The following ASH1L variants were observed in gnomAD, a reference collection of about 807,000 sequenced individuals.
The protein encoded by ASH1L is histone-lysine N-methyltransferase ASH1L.
In ASH1L, 23 loss-of-function variants were observed where a neutral mutation model predicts 269.0. The ratio of observed to expected loss-of-function variants is 0.09; its 90% CI spans 0.06 to 0.12. The LOEUF is 0.12. Ranked by LOEUF, ASH1L falls within the 10% of genes least tolerant of loss-of-function variation. The pLI is 1.00. For missense variants in ASH1L, 2,912 were observed against 3,567.8 expected (o/e 0.82, Z 4.68); for synonymous variants, 1,187 against 1,253.5 (o/e 0.95, Z 1.12).
chr1:155,343,448 G>C lies in ASH1L; in HGVS notation c.8159C>G (p.Pro2720Arg). 6.2e-7 allele frequency: 1 copy of C among 1,614,132 alleles called. No homozygotes were observed. Among genetic ancestry groups the C allele is most frequent in the Non-Finnish European group, 8.5e-7 (1 of 1,180,022 alleles). ...RFAFGHHYFRPHETHHSPSRR... is the reference protein window; with the variant it reads ...RFAFGHHYFRRHETHHSPSRR... ...GGATGGAGAGTGGTGTGTTTCGTGG[G>C]GACGGAAATAATGGTGACCAAAGGC... Residue 2720 changes from proline (P) to arginine (R), a missense_variant, in exon 24 of 28, where the codon CCC (proline) becomes CGC (arginine). Physicochemically the swap from Pro to Arg is moderately radical, Grantham distance 103 (BLOSUM62 -2). Coordinates refer to ENST00000392403, the MANE Select transcript of ASH1L (RefSeq NM_018489.3). This position sits in a 1 kb window ranked among gnomAD's most constrained non-coding sequence, Gnocchi z 6.1.
intron 13 of ASH1L, among the ~76,000 whole-genome samples, chr1:155,359,691 T>C (rs1654766974): frequency 6.6e-6 from 1 of 152,124 alleles, no homozygotes; most frequent in Non-Finnish European, 1.5e-5. Flanking sequence ...TCTTCCCACC[T>C]CAGCCTCCCA....
chr1:155,491,521 T>A (rs926268310), intron 2 of ASH1L, among the ~76,000 whole-genome samples: 4 of 152,250 alleles, frequency 2.6e-5, no homozygotes, highest in African/African-American at 7.2e-5. Context: ...AAAGAGTGGT[T>A]TAGACATTGG....
chr1:155,435,365 A>G (rs1159971847), intron 5 of ASH1L, among the ~76,000 whole-genome samples: 1 of 152,210 alleles, frequency 6.6e-6, no homozygotes, highest in Non-Finnish European at 1.5e-5. Flanking sequence ...AAATTATGAT[A>G]TATTCCTACC....
intron 1 of ASH1L, among the ~76,000 whole-genome samples, chr1:155,538,342 G>GT (rs963237272): frequency 7.0e-6 from 1 of 142,224 alleles, no homozygotes; most frequent in East Asian, 2.2e-4. Flanking sequence ...GGCACCTGGC[G>GT]TTTTTTTGTT....
chr1:155,445,764 A>G (rs996336677), intron 4 of ASH1L, among the ~76,000 whole-genome samples: 6 of 152,206 alleles, frequency 3.9e-5, no homozygotes, highest in African/African-American at 1.4e-4. Context: ...AATGCCTCTG[A>G]CATATCTCTC....
chr1:155,497,206 G>A (rs186138099), intron 2 of ASH1L, among the ~76,000 whole-genome samples: 1 of 152,176 alleles, frequency 6.6e-6, no homozygotes, highest in African/African-American at 2.4e-5. Context: ...AGCAGGAACT[G>A]GAACAGGTAT....
Position 155,562,776 on chromosome 1 carries a change from T to G in ASH1L, c.-723A>C. On this transcript the variant is annotated 5_prime_UTR_variant, in exon 1 of 28. Transcript: ENST00000392403. Reference sequence around the variant, plus strand: ...CGGCGCCGGCGCAGGCCCTCACGCGTACCTTCAACGGCGCAAGCCCAAGCC... The same window carrying G: ...CGGCGCCGGCGCAGGCCCTCACGCGGACCTTCAACGGCGCAAGCCCAAGCC... 10 of 760,954 alleles carry G rather than the reference T, an allele frequency of 1.3e-5. No individual in the cohort carries two copies. The highest frequency in any genetic ancestry group is 1.4e-5 in the South Asian group (1 of 69,630). 47.1% of individuals were successfully genotyped at this position (760,954 alleles called of 1,614,324 possible).
chr1:155,515,418 G>A (rs1236148996), intron 2 of ASH1L, among the ~76,000 whole-genome samples: 2 of 152,276 alleles, frequency 1.3e-5, no homozygotes, highest in Non-Finnish European at 2.9e-5. Context: ...CAGAAGCACA[G>A]ATTTTTATGC....
intron 3 of ASH1L, among the ~76,000 whole-genome samples, chr1:155,472,664 G>A: frequency 6.6e-6 from 1 of 152,104 alleles, no homozygotes. Context: ...AATACAAGCA[G>A]CAATGAAAAA....
intron 17 of ASH1L, among the ~76,000 whole-genome samples, chr1:155,352,080 C>T (rs747666293): frequency 6.6e-6 from 1 of 151,692 alleles, no homozygotes; most frequent in African/African-American, 2.4e-5. Context: ...ATTTCACTAG[C>T]AGAGTAAAAG....
In ASH1L at chr1:155,481,773, C is replaced by T. The variant is rs1665980938; in HGVS notation, c.1097G>A (p.Gly366Glu). ...CTTTCCCAAATCTTTATTAACCAGT[C>T]CAACCACAGTGCCAAGTCCTAACTT... is the stretch of plus-strand genomic sequence containing the variant. Reference protein sequence around the residue: ...GKKLGLGTVVGLVNKDLGKKL... With the variant: ...GKKLGLGTVVELVNKDLGKKL... The change falls in exon 3 of 28, where the codon GGA becomes GAA. Residue 366 changes from glycine (G) to glutamate (E), a missense_variant. Gly to Glu is a moderately conservative substitution (Grantham distance 98). This residue lies in a region of ASH1L where 277 missense variants were observed against 367.7 expected (regional missense o/e 0.75). Transcript: ENST00000392403. 6.2e-7 allele frequency: 1 copy of T among 1,614,194 alleles called. No homozygotes were observed. The highest frequency in any genetic ancestry group is 8.5e-7 in the Non-Finnish European group (1 of 1,180,026).
intron 2 of ASH1L, among the ~76,000 whole-genome samples, chr1:155,515,122 C>T (rs2148826246): frequency 6.6e-6 from 1 of 152,248 alleles, no homozygotes. Context: ...GAGACGTATG[C>T]TCAGCAAATT....
chr1:155,372,476 T>C (rs1427223096), intron 10 of ASH1L, among the ~76,000 whole-genome samples: 1 of 151,494 alleles, frequency 6.6e-6, no homozygotes, highest in Non-Finnish European at 1.5e-5. Flanking sequence ...GCCCAGCTAA[T>C]TTTCGTATTT....
rs569625478 is a variant in ASH1L, at chr1:155,462,259, C to T, written c.4985-2361G>A. The stretch of plus-strand genomic sequence containing the variant: ...TGCCCTCAAGGAGCTTACTAATCAT[C>T]GTGTATATCATCATGCACTACATTT... On this transcript the variant is annotated intron_variant, in intron 3 of 27. Transcript: ENST00000392403. 3.3e-5 allele frequency among the ~76,000 whole-genome samples: 5 copies of T among 152,280 alleles called. No individual in the cohort carries two copies. The South Asian group carries it at 8.3e-4, about 25-fold the overall frequency.
chr1:155,387,280 G>A (rs1178868278), intron 7 of ASH1L, among the ~76,000 whole-genome samples: 1 of 152,102 alleles, frequency 6.6e-6, no homozygotes, highest in Non-Finnish European at 1.5e-5. Flanking sequence ...GGCCTACATT[G>A]AAGTTTTTAA....
chr1:155,389,877 C>CTT (rs1018913896), intron 7 of ASH1L, among the ~76,000 whole-genome samples: 39 of 118,452 alleles, frequency 3.3e-4, no homozygotes, highest in Non-Finnish European at 5.5e-4. Context: ...CTACCAGTAG[C>CTT]TTTTTTTTTT....
At chr1:155,463,084 T>C (rs912551719) in intron 3 of ASH1L, among the ~76,000 whole-genome samples, 16 of 152,356 alleles carry the variant, frequency 1.1e-4, no homozygotes, top group African/African-American at 3.8e-4. Context: ...TGCAAACATC[T>C]GTAACATTGC....
chr1:155,491,333 C>T lies in ASH1L; in HGVS notation c.421-8884G>A, dbSNP rs200056856. Among the ~76,000 whole-genome samples, 5 of 152,214 alleles carry T rather than the reference C, an allele frequency of 3.3e-5. No homozygotes were observed. In the East Asian group the frequency reaches 9.7e-4, roughly 29 times the overall value. ...CCCAGGCTGGTCTTGAACGCCTGGC[C>T]TCAAGCAATCTCCTGCCTCAGCCTC... On this transcript the variant is annotated intron_variant, in intron 2 of 27. Coordinates refer to ENST00000392403, the MANE Select transcript of ASH1L (RefSeq NM_018489.3).
At position 155,521,173 on chromosome 1, in the gene ASH1L, A is replaced by G. The variant is rs111605066; in HGVS notation, c.347T>C (p.Ile116Thr). The G allele has an allele frequency of 2.0e-3, 3,173 of 1,613,844 alleles. 66 individuals are homozygous for G. In the African/African-American group the frequency reaches 0.038, roughly 19 times the overall value. Residue 116 changes from isoleucine to threonine, a missense_variant, in exon 2 of 28, where the codon ATT becomes ACT. Around this residue, in one of 13 missense-constraint regions of ASH1L, gnomAD observed 277 missense variants for 367.7 expected, o/e 0.75. Coordinates refer to ENST00000392403, the MANE Select transcript of ASH1L (RefSeq NM_018489.3). ...YVCRPAIKTT[I>T]KHPRKALKSG... ...TTTAAGTGCTTTCCTTGGGTGCTTAATAGTTGTTTTTATGGCAGGTCGACA... is the reference window on the plus strand; with the variant it reads ...TTTAAGTGCTTTCCTTGGGTGCTTAGTAGTTGTTTTTATGGCAGGTCGACA...
Sources: allele counts gnomAD v4.1 joint callset (sites outside exome capture counted in the v4.1 genomes callset), GRCh38; gene constraint gnomAD v4.1.1; regional missense constraint gnomAD v4.1.1; non-coding constraint Gnocchi (gnomAD v3.1); transcripts MANE v1.5; gene names NCBI Gene and HGNC (gene_info 2026-07-23, HGNC 2026-07-21).